Variants in ADRA1A observed in about 807,000 individuals in gnomAD.
ADRA1A encodes the protein alpha-1A adrenergic receptor.
A neutral mutation model predicts 29.6 loss-of-function variants in ADRA1A; 31 were observed. The observed-to-expected ratio is 1.05, with a 90% CI of 0.79 to 1.41. ADRA1A has a LOEUF of 1.41. Ranked by LOEUF, ADRA1A falls within the 40% of genes most tolerant of loss-of-function variation. The probability of loss-of-function intolerance (pLI) is 0.00; values close to 1 mark genes in which losing one functional copy is unlikely to be tolerated. For synonymous variants in ADRA1A, 311 were observed against 254.3 expected, an observed-to-expected ratio of 1.22 and a Z score of -2.12; for missense variants, 619 against 601.1, an observed-to-expected ratio of 1.03 and a Z score of -0.31.
rs1197423770 is a variant in ADRA1A at position 26,775,142 on chromosome 8, C to A, written c.884-4476G>T. 6.6e-6 allele frequency among the ~76,000 whole-genome samples: 1 copy of A among 152,158 alleles called. No individual in the cohort carries two copies. The highest frequency in any genetic ancestry group is 2.4e-5 in the African/African-American group (1 of 41,446). On this transcript the variant is annotated intron_variant, in intron 2 of 2. Coordinates refer to ENST00000380573, the MANE Select transcript of ADRA1A (RefSeq NM_000680.4). This position sits in a 1 kb window ranked among gnomAD's most constrained non-coding sequence, Gnocchi z 4.1. Reference sequence around the variant, plus strand: ...CCAGAATCCAGTAAAATGCTAGAGTCTTGAAGGCATTCTCCTAGTTTTTGC... The same window carrying A: ...CCAGAATCCAGTAAAATGCTAGAGTATTGAAGGCATTCTCCTAGTTTTTGC...
chr8:26,789,746 C>T (rs6992060), intron 2 of ADRA1A, among the ~76,000 whole-genome samples: 51,169 of 151,666 alleles, frequency 0.34, 9,911 homozygotes, highest in East Asian at 0.84. Flanking sequence ...AGAATATAAA[C>T]GGAATTTAAA....
At chr8:26,754,513 G>C (rs1410462852), downstream of ADRA1A, among the ~76,000 whole-genome samples, 1 of 151,986 alleles carries the variant, frequency 6.6e-6, no homozygotes. Flanking sequence ...AATTGTTAAA[G>C]GTTACAGAAA....
intron 2 of ADRA1A, chr8:26,756,924 A>T (rs768920348): frequency 4.0e-5 from 50 of 1,249,888 alleles, no homozygotes; most frequent in Non-Finnish European, 5.2e-5. Flanking sequence ...TTCCAAGTTC[A>T]GACTTCAGTA....
Position 26,864,589 on chromosome 8 carries a change from G to C in ADRA1A, c.381C>G (p.Gly127=), listed in dbSNP as rs749880545. The change falls in exon 2 of 3, where the codon GGC becomes GGG. Residue 127 remains glycine, a synonymous_variant. Transcript: ENST00000380573. The surrounding 1 kb of genome is among the most constrained non-coding windows in gnomAD (Gnocchi z 8.1). The part of the protein sequence containing the change: ...LCIISIDRYI[G]VSYPLRYPTI... ...TTGGGTAGCGCAGCGGGTAGCTCAC[G>C]CCGATGTAGCGGTCGATGGAGATGA... 4.0e-5 allele frequency: 65 copies of C among 1,614,000 alleles called. No homozygotes were observed. The highest frequency in any genetic ancestry group is 5.3e-5 in the Non-Finnish European group (62 of 1,180,046).
Position 26,864,375 on chromosome 8 carries a change from T to A in ADRA1A, c.595A>T (p.Ile199Phe). 6.2e-7 allele frequency: 1 copy of A among 1,613,994 alleles called. No individual in the cohort carries two copies. Among genetic ancestry groups the A allele is most frequent in the Non-Finnish European group, 8.5e-7 (1 of 1,180,032 alleles). The change falls in exon 2 of 3, where the codon ATC becomes TTC. Residue 199 changes from isoleucine to phenylalanine, a missense_variant. Coordinates refer to ENST00000380573, the MANE Select transcript of ADRA1A (RefSeq NM_000680.4). This position sits in a 1 kb window ranked among gnomAD's most constrained non-coding sequence, Gnocchi z 8.1. ...ALGSFYLPLAIILVMYCRVYV... is the reference protein window; with the variant it reads ...ALGSFYLPLAFILVMYCRVYV... ...ACGCGGCAGTACATGACCAGGATGA[T>A]GGCCAGAGGCAGGTAGAAGGAGCCC...
intron 2 of ADRA1A, among the ~76,000 whole-genome samples, chr8:26,845,071 C>T (rs1055684690): frequency 6.6e-6 from 1 of 151,834 alleles, no homozygotes; most frequent in African/African-American, 2.4e-5. Flanking sequence ...ACACATGCAA[C>T]AAAAGAAAAA....
At chr8:26,830,602 C>G (rs544876594) in intron 2 of ADRA1A, among the ~76,000 whole-genome samples, 2 of 152,292 alleles carry the variant, frequency 1.3e-5, no homozygotes, top group South Asian at 4.1e-4. Flanking sequence ...ATAGTTGAAC[C>G]TTCTCATCAG....
At position 26,865,036 on chromosome 8, in the gene ADRA1A, G is replaced by A. The variant is rs1007745055; in HGVS notation, c.-67C>T. 12 of 1,518,956 alleles carry A rather than the reference G, an allele frequency of 7.9e-6. No individual in the cohort carries two copies. The highest frequency in any genetic ancestry group is 1.1e-5 in the Non-Finnish European group (12 of 1,142,578). The allele number at this position is 1,518,956 out of a possible 1,614,324, so 94.1% of individuals were successfully genotyped here. ...ACCTCCCGGGCTGGCGCGGAGGCGG[G>A]AGCGCGGGAGCCGGGAATCAAAAGG... On this transcript the variant is annotated 5_prime_UTR_variant, in exon 2 of 3. Coordinates refer to ENST00000380573, the MANE Select transcript of ADRA1A (RefSeq NM_000680.4). The surrounding 1 kb of genome is among the most constrained non-coding windows in gnomAD (Gnocchi z 7.6).
At chr8:26,814,412 C>T (rs960313725) in intron 2 of ADRA1A, among the ~76,000 whole-genome samples, 2 of 152,054 alleles carry the variant, frequency 1.3e-5, no homozygotes, top group Non-Finnish European at 2.9e-5. Flanking sequence ...AGGTGTGAGC[C>T]ACCACACCTG....
intron 2 of ADRA1A, among the ~76,000 whole-genome samples, chr8:26,839,997 T>C (rs1296984370): frequency 6.6e-6 from 1 of 152,230 alleles, no homozygotes; most frequent in African/African-American, 2.4e-5. Flanking sequence ...CCTTGAGAAA[T>C]AATTTCCATC....
intron 2 of ADRA1A, among the ~76,000 whole-genome samples, chr8:26,824,458 G>A (rs2130613125): frequency 6.6e-6 from 1 of 152,264 alleles, no homozygotes; most frequent in South Asian, 2.1e-4. Context: ...AACATTGTAA[G>A]GTTATTGTGA....
At chr8:26,834,152 C>T (rs893744290) in intron 2 of ADRA1A, among the ~76,000 whole-genome samples, 2 of 152,080 alleles carry the variant, frequency 1.3e-5, no homozygotes, top group African/African-American at 4.8e-5. Context: ...ACAGTAGCAA[C>T]AAAACTATAA....
intron 2 of ADRA1A, among the ~76,000 whole-genome samples, chr8:26,813,758 AT>A (rs948012754): frequency 2.7e-5 from 4 of 150,896 alleles, no homozygotes; most frequent in African/African-American, 7.3e-5. Flanking sequence ...TTTATTTCCC[AT>A]TTTTTTAAGC....
chr8:26,864,985 C>G lies in ADRA1A; in HGVS notation c.-16G>C, dbSNP rs200485736. The G allele has an allele frequency of 3.8e-6, 6 of 1,577,390 alleles. No homozygotes were observed. The highest frequency in any genetic ancestry group is 5.1e-6 in the Non-Finnish European group (6 of 1,165,626). On this transcript the variant is annotated 5_prime_UTR_variant, in exon 2 of 3. Coordinates refer to ENST00000380573, the MANE Select transcript of ADRA1A (RefSeq NM_000680.4). This position sits in a 1 kb window ranked among gnomAD's most constrained non-coding sequence, Gnocchi z 8.1. ...GAAACACCATGGTCCCAGCCGGGGC[C>G]GGGCGAGGTCCGGCTGTCCAGGGCC...
intron 2 of ADRA1A, among the ~76,000 whole-genome samples, chr8:26,791,111 T>C (rs1022573348): frequency 2.6e-5 from 4 of 152,180 alleles, no homozygotes; most frequent in Admixed American, 2.0e-4. Flanking sequence ...TTTACCAGCC[T>C]TTATGTAATA....
intron 2 of ADRA1A, among the ~76,000 whole-genome samples, chr8:26,793,991 G>A (rs1178860967): frequency 6.6e-6 from 1 of 151,910 alleles, no homozygotes; most frequent in African/African-American, 2.4e-5. Context: ...ACAACCCACT[G>A]TCACCACAAA....
In ADRA1A at chr8:26,848,801, T is replaced by C. The variant is rs1166087005; in HGVS notation, c.883+15286A>G. On this transcript the variant is annotated intron_variant, in intron 2 of 2. Transcript: ENST00000380573. This position sits in a 1 kb window ranked among gnomAD's most constrained non-coding sequence, Gnocchi z 4.3. Reference sequence around the variant, plus strand: ...AGGGAAAGCTCAGCTTACTGAACTGTGTAGGGATTCTGTTACTGTCTCACT... The same window carrying C: ...AGGGAAAGCTCAGCTTACTGAACTGCGTAGGGATTCTGTTACTGTCTCACT... Among the ~76,000 whole-genome samples, 2 of 152,192 alleles carry C rather than the reference T, an allele frequency of 1.3e-5. No individual in the cohort carries two copies. The highest frequency in any genetic ancestry group is 4.8e-5 in the African/African-American group (2 of 41,448).
intron 2 of ADRA1A, among the ~76,000 whole-genome samples, chr8:26,782,585 T>C (rs769975951): frequency 3.3e-5 from 5 of 152,328 alleles, no homozygotes; most frequent in South Asian, 2.1e-4. Flanking sequence ...ACATCCTTGC[T>C]CTTTTCAAAC....
chr8:26,862,654 C>A (rs552335452), intron 2 of ADRA1A, among the ~76,000 whole-genome samples: 1 of 152,266 alleles, frequency 6.6e-6, no homozygotes, highest in Admixed American at 6.5e-5. Context: ...GATGGGCAGG[C>A]ACAATGGAAG....
Sources: allele counts gnomAD v4.1 joint callset (sites outside exome capture counted in the v4.1 genomes callset), GRCh38; gene constraint gnomAD v4.1.1; non-coding constraint Gnocchi (gnomAD v3.1); transcripts MANE v1.5; gene names NCBI Gene and HGNC (gene_info 2026-07-23, HGNC 2026-07-21).